The following KAZN variants were observed in gnomAD, a reference collection of about 807,000 sequenced individuals.
The protein encoded by KAZN is kazrin.
KAZN carries 40 observed loss-of-function variants against 87.4 expected under a neutral mutation model. That is an observed-to-expected ratio of 0.46 (90% CI 0.36 to 0.60). The LOEUF (loss-of-function observed/expected upper bound fraction) is 0.60, where lower values mean the gene tolerates loss of function less well. Among genes scored for constraint, KAZN ranks in the 20% least tolerant of loss-of-function variants. The pLI is 0.00. For synonymous variants in KAZN, 466 were observed against 458.3 expected (o/e 1.02, Z -0.22); for missense variants, 898 against 1,073.9 (o/e 0.84, Z 2.29).
At chr1:14,659,958 T>C (rs975093354) in intron 1 of KAZN, among the ~76,000 whole-genome samples, 19 of 151,864 alleles carry the variant, frequency 1.3e-4, no homozygotes, top group Admixed American at 1.2e-3. Context: ...ACTAGAAAGG[T>C]TTTTTTCTTT....
intron 2 of KAZN, among the ~76,000 whole-genome samples, chr1:14,261,976 A>C (rs1403505404): frequency 6.6e-6 from 1 of 152,234 alleles, no homozygotes; most frequent in Non-Finnish European, 1.5e-5. Flanking sequence ...TCATGCTTTT[A>C]GGGGACACAT....
At chr1:14,841,769 G>A (rs1289722026) in intron 1 of KAZN, among the ~76,000 whole-genome samples, 1 of 152,090 alleles carries the variant, frequency 6.6e-6, no homozygotes, top group East Asian at 1.9e-4. Context: ...TTGTACCACT[G>A]ACATCAAGGC....
intron 2 of KAZN, among the ~76,000 whole-genome samples, chr1:14,487,591 A>G (rs1024775979): frequency 6.6e-6 from 1 of 152,256 alleles, no homozygotes; most frequent in Non-Finnish European, 1.5e-5. Flanking sequence ...ATTTTGTTCC[A>G]AAGATAAACA....
chr1:14,208,052 C>T (rs1229800192), intron 2 of KAZN, among the ~76,000 whole-genome samples: 1 of 152,238 alleles, frequency 6.6e-6, no homozygotes, highest in East Asian at 1.9e-4. Context: ...TGGAGCTGTG[C>T]ACCCTATTAC....
intron 1 of KAZN, among the ~76,000 whole-genome samples, chr1:13,898,256 A>G (rs1639118554): frequency 6.6e-6 from 1 of 152,098 alleles, no homozygotes; most frequent in Non-Finnish European, 1.5e-5. Flanking sequence ...GGTTCCCAAA[A>G]TGTTTAACTG....
chr1:14,487,596 TAAAC>T (rs1444942610), intron 2 of KAZN, among the ~76,000 whole-genome samples: 2 of 152,120 alleles, frequency 1.3e-5, no homozygotes, highest in East Asian at 1.9e-4. Flanking sequence ...GTTCCAAAGA[TAAAC>T]AAAAAACCCA....
intron 1 of KAZN, among the ~76,000 whole-genome samples, chr1:14,011,386 T>C (rs6657972): frequency 0.048 from 7,311 of 152,246 alleles, 527 homozygotes; most frequent in African/African-American, 0.16. Context: ...GTAGGATGTT[T>C]TCTTCCCCAG....
chr1:13,969,879 A>G (rs1260447175), intron 1 of KAZN, among the ~76,000 whole-genome samples: 1 of 152,220 alleles, frequency 6.6e-6, no homozygotes, highest in Admixed American at 6.5e-5. Context: ...GAGACCTATA[A>G]CAGCTAAACA....
intron 1 of KAZN, among the ~76,000 whole-genome samples, chr1:13,991,426 A>G (rs1639279817): frequency 6.6e-6 from 1 of 151,242 alleles, no homozygotes; most frequent in African/African-American, 2.4e-5. Flanking sequence ...GTATCCCGGA[A>G]CTTAAAGTAT....
At chr1:14,805,003 C>T (rs1321029795) in intron 1 of KAZN, among the ~76,000 whole-genome samples, 1 of 152,186 alleles carries the variant, frequency 6.6e-6, no homozygotes, top group Admixed American at 6.5e-5. Flanking sequence ...TGATGTGGGG[C>T]AAGCCACTTG....
At chr1:14,124,965 G>A (rs144358918) in intron 1 of KAZN, among the ~76,000 whole-genome samples, 364 of 152,266 alleles carry the variant, frequency 2.4e-3, no homozygotes, top group Non-Finnish European at 4.4e-3. Context: ...ATTGAGACGC[G>A]GCTCTGAGGG....
chr1:14,365,339 G>A (rs866299788), intron 2 of KAZN, among the ~76,000 whole-genome samples: 2 of 141,092 alleles, frequency 1.4e-5, no homozygotes, highest in African/African-American at 2.6e-5. Context: ...GAGCCACCGC[G>A]CCCCGGCGCC....
At chr1:14,452,961 G>A (rs925820196) in intron 2 of KAZN, among the ~76,000 whole-genome samples, 1 of 151,968 alleles carries the variant, frequency 6.6e-6, no homozygotes, top group Non-Finnish European at 1.5e-5. Context: ...TGTTGTTGCT[G>A]TTGTTGTTGT....
At chr1:14,755,054 C>G (rs527590671) in intron 1 of KAZN, among the ~76,000 whole-genome samples, 2 of 126,300 alleles carry the variant, frequency 1.6e-5, no homozygotes, top group African/African-American at 6.3e-5. Context: ...CCACCCTGGG[C>G]AACATGGAGA....
intron 1 of KAZN, among the ~76,000 whole-genome samples, chr1:14,633,886 A>C (rs74057898): frequency 0.078 from 11,575 of 148,546 alleles, 682 homozygotes; most frequent in African/African-American, 0.17. Flanking sequence ...CTCTCTCTCT[A>C]TATATATATA....
At chr1:14,722,713 G>A (rs141974446) in intron 1 of KAZN, among the ~76,000 whole-genome samples, 91 of 152,184 alleles carry the variant, frequency 6.0e-4, no homozygotes, top group African/African-American at 1.9e-3. Flanking sequence ...GAATGCCCTC[G>A]TGGCCTATGG....
rs528591293 is a variant in KAZN at position 15,073,328 on chromosome 1, C to T, written c.1222+7575C>T. Among the ~76,000 whole-genome samples the T allele has an allele frequency of 4.6e-5, 7 of 152,310 alleles. No individual in the cohort carries two copies. The East Asian group carries it at 7.7e-4, about 17-fold the overall frequency. ...AGGCCGAGGCCCTGGGAGCTGTGTG[C>T]GTATTGAACAAGCTGCCTGGTGTGG... On this transcript the variant is annotated intron_variant, in intron 8 of 14. Coordinates refer to ENST00000376030, the MANE Select transcript of KAZN (RefSeq NM_201628.3).
chr1:14,134,755 G>C (rs569621586), intron 1 of KAZN, among the ~76,000 whole-genome samples: 1 of 151,974 alleles, frequency 6.6e-6, no homozygotes, highest in Non-Finnish European at 1.5e-5. Flanking sequence ...TGGTACTCTC[G>C]GAACACACTG....
chr1:14,091,724 A>G (rs866223133), intron 1 of KAZN, among the ~76,000 whole-genome samples: 3 of 152,278 alleles, frequency 2.0e-5, no homozygotes, highest in Middle Eastern at 3.4e-3. Context: ...ACCCCCTCCT[A>G]GGAAAAATGC....
Sources: allele counts gnomAD v4.1 joint callset (sites outside exome capture counted in the v4.1 genomes callset), GRCh38; gene constraint gnomAD v4.1.1; transcripts MANE v1.5; gene names NCBI Gene and HGNC (gene_info 2026-07-23, HGNC 2026-07-21).